ODF2L: variants seen among roughly 807,000 people sequenced by gnomAD.
ODF2L encodes protein BCAP.
A neutral mutation model predicts 86.3 loss-of-function variants in ODF2L; 76 were observed. That is an observed-to-expected ratio of 0.88 (90% CI 0.73 to 1.07). ODF2L has a LOEUF of 1.07. Among genes scored for constraint, ODF2L ranks in the 50% least tolerant of loss-of-function variants. The pLI, the probability that ODF2L is intolerant of heterozygous loss-of-function variation, is 0.00. For missense variants in ODF2L, 748 were observed against 717.4 expected, an observed-to-expected ratio of 1.04 and a Z score of -0.49; for synonymous variants, 241 against 231.3, an observed-to-expected ratio of 1.04 and a Z score of -0.38.
rs1658584644 is a variant in ODF2L at position 86,356,609 on chromosome 1, T to TGTGGCA, written c.1360-13_1360-8dup. On this transcript the variant is annotated splice_polypyrimidine_tract_variant and splice_region_variant and intron_variant, in intron 13 of 17. Transcript: ENST00000317336. ...ACTCCATCTGGCCTCTCATCTGAGT[T>TGTGGCA]GTGGCAGTAGGGAAATAAGTGCAAG... 1 of 1,609,650 alleles carries TGTGGCA rather than the reference T, an allele frequency of 6.2e-7. No individual in the cohort carries two copies. The highest frequency in any genetic ancestry group is 1.3e-5 in the African/African-American group (1 of 74,824).
intron 7 of ODF2L, among the ~76,000 whole-genome samples, chr1:86,380,234 C>T (rs1250904515): frequency 1.3e-5 from 2 of 152,090 alleles, no homozygotes; most frequent in African/African-American, 4.8e-5. Context: ...AGCTTCTTAA[C>T]TGCCACTAAA....
In ODF2L at chr1:86,382,265, C is replaced by T. The variant is rs373486073; in HGVS notation, c.601G>A (p.Asp201Asn). The change falls in exon 7 of 18, where the codon GAT (aspartate) becomes AAT (asparagine). Residue 201 changes from aspartate (D) to asparagine (N), a missense_variant. Physicochemically the swap from Asp to Asn is conservative, Grantham distance 23. Coordinates refer to ENST00000317336, the Ensembl canonical transcript of ODF2L. ...ACCTTTACATATTCTTTCAACTTATCGTTCTCGGCTTCCCTTTTATGAATT... is the reference window on the plus strand; with the variant it reads ...ACCTTTACATATTCTTTCAACTTATTGTTCTCGGCTTCCCTTTTATGAATT... 118 of 1,610,672 alleles carry T rather than the reference C, an allele frequency of 7.3e-5. No homozygotes were observed. Among genetic ancestry groups the T allele is most frequent in the Non-Finnish European group, 9.2e-5 (108 of 1,178,442 alleles).
At chr1:86,369,670 C>G (rs1260327043) in intron 10 of ODF2L, among the ~76,000 whole-genome samples, 1 of 152,184 alleles carries the variant, frequency 6.6e-6, no homozygotes, top group Non-Finnish European at 1.5e-5. Flanking sequence ...ATATAATACA[C>G]AAGCTTTAAT....
At chr1:86,360,393 T>C in intron 12 of ODF2L, 33 bp downstream of exon 11, 1 of 961,816 alleles carries the variant, frequency 1.0e-6, no homozygotes, top group East Asian at 2.4e-5. Flanking sequence ...GTCTACCAAT[T>C]TTAGTAAACA....
chr1:86,356,613 G>A lies in ODF2L; in HGVS notation c.1360-11C>T. 1 of 1,608,262 alleles carries A rather than the reference G, an allele frequency of 6.2e-7. No individual in the cohort carries two copies. The highest frequency in any genetic ancestry group is 1.1e-5 in the South Asian group (1 of 90,314). On this transcript the variant is annotated splice_polypyrimidine_tract_variant and intron_variant, in intron 13 of 17. Transcript: ENST00000317336. ...CATCTGGCCTCTCATCTGAGTTGTG[G>A]CAGTAGGGAAATAAGTGCAAGATCA...
intron 4 of ODF2L, 30 bp from the exon 5 acceptor site, chr1:86,383,226 C>A: frequency 8.4e-7 from 1 of 1,185,754 alleles, no homozygotes; most frequent in Non-Finnish European, 1.2e-6. Flanking sequence ...AATCAGTGAT[C>A]GCAAATTATA....
exon 12 of ODF2L, chr1:86,360,524 C>T: frequency 6.4e-7 from 1 of 1,564,574 alleles, no homozygotes; most frequent in Non-Finnish European, 8.8e-7. Flanking sequence ...TCCTTCAAAG[C>T]AGCAAGTGTA....
At chr1:86,369,358 A>G (rs1659646610) in intron 10 of ODF2L, among the ~76,000 whole-genome samples, 1 of 152,232 alleles carries the variant, frequency 6.6e-6, no homozygotes, top group Non-Finnish European at 1.5e-5. Flanking sequence ...ATTACTAAAT[A>G]CATTAAAGGT....
intron 7 of ODF2L, among the ~76,000 whole-genome samples, chr1:86,379,818 A>C (rs1310351180): frequency 6.6e-6 from 1 of 152,204 alleles, no homozygotes; most frequent in Non-Finnish European, 1.5e-5. Context: ...GAGTCATAAG[A>C]TAAGTATTAT....
At chr1:86,364,800 T>C (rs892945117) in intron 11 of ODF2L, among the ~76,000 whole-genome samples, 1 of 152,078 alleles carries the variant, frequency 6.6e-6, no homozygotes, top group Non-Finnish European at 1.5e-5. Flanking sequence ...GCTAAAAAGC[T>C]AAAGAGCCAC....
chr1:86,382,367 A>T lies in ODF2L; in HGVS notation c.508-9T>A, dbSNP rs548745435. On this transcript the variant is annotated splice_polypyrimidine_tract_variant and intron_variant, in intron 6 of 17. Transcript: ENST00000317336. ...GCTTTCAAAGTATTTGCCTGTAACA[A>T]AGAGAAAGAGAAAACCAAAAAAATC... 1.2e-6 allele frequency: 2 copies of T among 1,608,168 alleles called. No individual in the cohort carries two copies. Among genetic ancestry groups the T allele is most frequent in the Non-Finnish European group, 1.7e-6 (2 of 1,177,998 alleles).
At position 86,362,596 on chromosome 1, in the gene ODF2L, A is replaced by G. The variant is rs1381535090; in HGVS notation, c.1144-2060T>C. On this transcript the variant is annotated intron_variant, in intron 11 of 17. Transcript: ENST00000317336. Reference sequence around the variant, plus strand: ...ATGAGCCACCGTGCCCAGGCAGTCAATGACCTTCAGTGAAGGACACGTCAG... The same window carrying G: ...ATGAGCCACCGTGCCCAGGCAGTCAGTGACCTTCAGTGAAGGACACGTCAG... Among the ~76,000 whole-genome samples, 7 of 152,120 alleles carry G rather than the reference A, an allele frequency of 4.6e-5. No individual in the cohort carries two copies. The South Asian group carries it at 1.2e-3, about 27-fold the overall frequency.
At chr1:86,357,770 G>A in intron 13 of ODF2L, 2 of 977,358 alleles carry the variant, frequency 2.0e-6, no homozygotes, top group Non-Finnish European at 2.4e-6. Context: ...TAGTTGTCTT[G>A]TTAAATACTA....
At chr1:86,368,796 C>T in intron 10 of ODF2L, 1 of 1,232,334 alleles carries the variant, frequency 8.1e-7, no homozygotes, top group Non-Finnish European at 1.0e-6. Flanking sequence ...ATGTTAAAAA[C>T]ATTGGGAATA....
At chr1:86,387,431 T>A (rs1325357510) in intron 1 of ODF2L, among the ~76,000 whole-genome samples, 1 of 152,232 alleles carries the variant, frequency 6.6e-6, no homozygotes, top group African/African-American at 2.4e-5. Flanking sequence ...TTACCTATAG[T>A]CTGTCTTATT....
intron 2 of ODF2L, 167 bp from the exon 3 acceptor site, chr1:86,385,757 TTATTTTACTTA>T (rs1165739224): frequency 1.1e-5 from 5 of 466,008 alleles, no homozygotes; most frequent in South Asian, 4.5e-5. Flanking sequence ...TAAGAATACT[TTATTTTACTTA>T]TATTTTACTT....
chr1:86,379,162 CAG>C (rs1012316219), intron 7 of ODF2L, among the ~76,000 whole-genome samples: 9 of 152,084 alleles, frequency 5.9e-5, no homozygotes, highest in African/African-American at 2.2e-4. Context: ...GAGCAGATGC[CAG>C]AATCATGCTT....
chr1:86,373,764 G>A (rs910605680), intron 8 of ODF2L, among the ~76,000 whole-genome samples: 4 of 151,972 alleles, frequency 2.6e-5, no homozygotes, highest in Non-Finnish European at 4.4e-5. Context: ...CTATAATGAC[G>A]CCAAGATCTA....
intron 8 of ODF2L, among the ~76,000 whole-genome samples, chr1:86,372,889 T>C (rs1485775056): frequency 6.6e-6 from 1 of 152,168 alleles, no homozygotes; most frequent in Admixed American, 6.6e-5. Context: ...ATATCGTATG[T>C]TCTCACTCAT....
Sources: allele counts gnomAD v4.1 joint callset (sites outside exome capture counted in the v4.1 genomes callset), GRCh38; gene constraint gnomAD v4.1.1; transcripts MANE v1.5; gene names NCBI Gene and HGNC (gene_info 2026-07-23, HGNC 2026-07-21).